CYP27A1: variants seen among roughly 807,000 people sequenced by gnomAD.
The protein encoded by CYP27A1 is sterol 26-hydroxylase, mitochondrial.
A neutral mutation model predicts 58.2 loss-of-function variants in CYP27A1; 46 were observed. The ratio of observed to expected loss-of-function variants is 0.79; its 90% CI spans 0.62 to 1.01. The LOEUF (loss-of-function observed/expected upper bound fraction) is 1.01. Among genes scored for constraint, CYP27A1 ranks in the 50% least tolerant of loss-of-function variants. CYP27A1 has a pLI of 0.00. For synonymous variants in CYP27A1, 274 were observed against 285.1 expected, an observed-to-expected ratio of 0.96 and a Z score of 0.39; for missense variants, 704 against 687.0, an observed-to-expected ratio of 1.02 and a Z score of -0.28.
In CYP27A1 at chr2:218,798,602, G is replaced by T. The variant is rs960640070; in HGVS notation, c.256-10975G>T. ...ACCTTAAAACATTTAGAAAGCCTAGGCCGGGTGCAGTGGCTCATGCCTGTA... is the reference window on the plus strand; with the variant it reads ...ACCTTAAAACATTTAGAAAGCCTAGTCCGGGTGCAGTGGCTCATGCCTGTA... On this transcript the variant is annotated intron_variant, in intron 1 of 8. Transcript: ENST00000258415. 3.6e-4 allele frequency among the ~76,000 whole-genome samples: 55 copies of T among 152,320 alleles called. 1 individual carries two copies. Among genetic ancestry groups the T allele is most frequent in the African/African-American group, 1.3e-3 (53 of 41,562 alleles).
rs1412610828 is a variant in CYP27A1 at position 218,796,592 on chromosome 2, T to C, written c.256-12985T>C. Among the ~76,000 whole-genome samples the C allele has an allele frequency of 2.6e-5, 4 of 152,184 alleles. No homozygotes were observed. In the East Asian group the frequency reaches 7.7e-4, roughly 29 times the overall value. On this transcript the variant is annotated intron_variant, in intron 1 of 8. Transcript: ENST00000258415. ...CTGGGCAACAGAGCAAGACTCTGTCTCAAAAACAAACAAACAAACAAAAAA... is the reference window on the plus strand; with the variant it reads ...CTGGGCAACAGAGCAAGACTCTGTCCCAAAAACAAACAAACAAACAAAAAA...
In CYP27A1 at chr2:218,813,176, C is replaced by A. The variant is rs566447689; in HGVS notation, c.1017+80C>A. The stretch of plus-strand genomic sequence containing the variant: ...TTCCCTATTATCCCTCACCTGATCC[C>A]GACCTTCATCCCTCCAAGGACCTGC... On this transcript the variant is annotated intron_variant, in intron 5 of 8. Coordinates refer to ENST00000258415, the MANE Select transcript of CYP27A1 (RefSeq NM_000784.4). 21 of 1,307,556 alleles carry A rather than the reference C, an allele frequency of 1.6e-5. 1 individual carries two copies. The South Asian group carries it at 2.8e-4, about 18-fold the overall frequency. 81.0% of individuals were successfully genotyped at this position (1,307,556 alleles called of 1,614,324 possible). A position where few individuals can be genotyped will look rare whatever the true frequency, so the allele number is the denominator to read the frequency against.
At chr2:218,787,851 A>C (rs1647202476) in intron 1 of CYP27A1, among the ~76,000 whole-genome samples, 1 of 152,232 alleles carries the variant, frequency 6.6e-6, no homozygotes. Flanking sequence ...ATATCAATAC[A>C]AAACGACTAA....
chr2:218,789,538 G>A (rs1250143438), intron 1 of CYP27A1, among the ~76,000 whole-genome samples: 2 of 152,168 alleles, frequency 1.3e-5, no homozygotes, highest in African/African-American at 2.4e-5. Context: ...ATTTGAACAC[G>A]GTTTGAACAG....
chr2:218,798,151 C>T (rs1943564290), intron 1 of CYP27A1, among the ~76,000 whole-genome samples: 1 of 151,684 alleles, frequency 6.6e-6, no homozygotes, highest in East Asian at 1.9e-4. Flanking sequence ...TACAGGCATG[C>T]ACCACCACAC....
intron 1 of CYP27A1, among the ~76,000 whole-genome samples, chr2:218,798,955 G>A (rs966733035): frequency 3.3e-5 from 5 of 152,152 alleles, no homozygotes; most frequent in Non-Finnish European, 2.9e-5. Flanking sequence ...ATTACCCTCC[G>A]TAATGTAGGT....
At chr2:218,791,911 T>C (rs562697771) in intron 1 of CYP27A1, among the ~76,000 whole-genome samples, 66 of 152,248 alleles carry the variant, frequency 4.3e-4, no homozygotes, top group Non-Finnish European at 5.3e-4. Context: ...ACGACCTGCA[T>C]TGAAAAATGA....
At chr2:218,790,849 C>T (rs552824796) in intron 1 of CYP27A1, among the ~76,000 whole-genome samples, 2 of 152,166 alleles carry the variant, frequency 1.3e-5, no homozygotes, top group East Asian at 3.9e-4. Flanking sequence ...AGGGGTCCGC[C>T]ACCACTCCCG....
chr2:218,783,273 A>AG (rs1239879225), intron 1 of CYP27A1, among the ~76,000 whole-genome samples: 14 of 149,520 alleles, frequency 9.4e-5, no homozygotes, highest in Admixed American at 3.3e-4. Flanking sequence ...AAAAAAAAAA[A>AG]AAAGAAAAAA....
Position 218,782,764 on chromosome 2 carries a change from G to A in CYP27A1, c.255+327G>A, listed in dbSNP as rs4674338. On this transcript the variant is annotated intron_variant, in intron 1 of 8. Transcript: ENST00000258415. This position sits in a 1 kb window ranked among gnomAD's most constrained non-coding sequence, Gnocchi z 4.1. ...GGCAGAGGCAAATGTGTAAGCTAAC[G>A]GATATTATGGAATCACTAATTCTGG... is the stretch of plus-strand genomic sequence containing the variant. 0.36 allele frequency among the ~76,000 whole-genome samples: 54,892 copies of A among 151,902 alleles called. 10,579 individuals are homozygous for A. The highest frequency in any genetic ancestry group is 0.42 in the Non-Finnish European group (28,820 of 67,930).
At chr2:218,784,092 G>C (rs1260969980) in intron 1 of CYP27A1, among the ~76,000 whole-genome samples, 2 of 152,132 alleles carry the variant, frequency 1.3e-5, no homozygotes, top group Non-Finnish European at 2.9e-5. Flanking sequence ...GAGAAAACTG[G>C]AATGGAGGTT....
rs1251189811 is a variant in CYP27A1 at position 218,782,345 on chromosome 2, C to A, written c.163C>A (p.Arg55=). 5 of 1,613,914 alleles carry A rather than the reference C, an allele frequency of 3.1e-6. No individual in the cohort carries two copies. Among genetic ancestry groups the A allele is most frequent in the Non-Finnish European group, 4.2e-6 (5 of 1,179,896 alleles). Residue 55 remains arginine, a synonymous_variant, in exon 1 of 9, where the codon CGG becomes AGG. Coordinates refer to ENST00000258415, the MANE Select transcript of CYP27A1 (RefSeq NM_000784.4). This position sits in a 1 kb window ranked among gnomAD's most constrained non-coding sequence, Gnocchi z 4.1. ...CGGGCCTGGTGTCCGGCGGCGGCAACGGAGCTTAGAGGAGATTCCACGTCT... is the reference window on the plus strand; with the variant it reads ...CGGGCCTGGTGTCCGGCGGCGGCAAAGGAGCTTAGAGGAGATTCCACGTCT... ...GAGPGVRRRQ[R]SLEEIPRLGQ...
rs1433492467 is a variant in CYP27A1 at position 218,782,384 on chromosome 2, T to G, written c.202T>G (p.Phe68Val). The stretch of plus-strand genomic sequence containing the variant: ...GATTCCACGTCTAGGACAGCTGCGC[T>G]TCTTCTTTCAGCTGTTCGTTCAAGG... ...EEIPRLGQLR[F>V]FFQLFVQGYA... The change falls in exon 1 of 9, where the codon TTC becomes GTC. Residue 68 changes from phenylalanine to valine, a missense_variant. Coordinates refer to ENST00000258415, the MANE Select transcript of CYP27A1 (RefSeq NM_000784.4). This position sits in a 1 kb window ranked among gnomAD's most constrained non-coding sequence, Gnocchi z 4.1. The G allele has an allele frequency of 1.9e-6, 3 of 1,614,124 alleles. No homozygotes were observed. The East Asian group carries it at 6.7e-5, about 36-fold the overall frequency.
chr2:218,782,346 G>A lies in CYP27A1; in HGVS notation c.164G>A (p.Arg55Gln). Residue 55 changes from arginine (R) to glutamine (Q), a missense_variant, in exon 1 of 9, where the codon CGG becomes CAG. Coordinates refer to ENST00000258415, the MANE Select transcript of CYP27A1 (RefSeq NM_000784.4). This position sits in a 1 kb window ranked among gnomAD's most constrained non-coding sequence, Gnocchi z 4.1. ...GAGPGVRRRQ[R>Q]SLEEIPRLGQ... ...GGGCCTGGTGTCCGGCGGCGGCAAC[G>A]GAGCTTAGAGGAGATTCCACGTCTA... 1 of 1,613,918 alleles carries A rather than the reference G, an allele frequency of 6.2e-7. No homozygotes were observed. The highest frequency in any genetic ancestry group is 1.3e-5 in the African/African-American group (1 of 75,066).
intron 1 of CYP27A1, among the ~76,000 whole-genome samples, chr2:218,803,086 A>G (rs2105976279): frequency 6.6e-6 from 1 of 152,236 alleles, no homozygotes. Flanking sequence ...CTGGGACTAC[A>G]AGTGTGCGCC....
rs1402266092 is a variant in CYP27A1 at position 218,782,481 on chromosome 2, C to A, written c.255+44C>A. On this transcript the variant is annotated intron_variant, in intron 1 of 8. Coordinates refer to ENST00000258415, the MANE Select transcript of CYP27A1 (RefSeq NM_000784.4). This position sits in a 1 kb window ranked among gnomAD's most constrained non-coding sequence, Gnocchi z 4.1. ...GCGTCCTGGGGATGGGAGTGGGCAC[C>A]GGAACAGAGAGGCTAGAGGTGAGAA... 6.2e-7 allele frequency: 1 copy of A among 1,612,852 alleles called. No homozygotes were observed. Among genetic ancestry groups the A allele is most frequent in the Non-Finnish European group, 8.5e-7 (1 of 1,179,364 alleles).
At chr2:218,788,832 T>C (rs188178789) in intron 1 of CYP27A1, among the ~76,000 whole-genome samples, 28 of 152,304 alleles carry the variant, frequency 1.8e-4, no homozygotes, top group Non-Finnish European at 2.8e-4. Flanking sequence ...TTTGATTAGA[T>C]AGATTTTCTT....
intron 2 of CYP27A1, among the ~76,000 whole-genome samples, chr2:218,811,366 A>G (rs1271484158): frequency 6.6e-6 from 1 of 152,172 alleles, no homozygotes; most frequent in Non-Finnish European, 1.5e-5. Flanking sequence ...AAATTGGACC[A>G]TATTGTACTT....
At chr2:218,805,121 G>A (rs1331783141) in intron 1 of CYP27A1, among the ~76,000 whole-genome samples, 1 of 152,322 alleles carries the variant, frequency 6.6e-6, no homozygotes, top group South Asian at 2.1e-4. Context: ...TTCAACATAA[G>A]AATTTGAGGG....
Sources: allele counts gnomAD v4.1 joint callset (sites outside exome capture counted in the v4.1 genomes callset), GRCh38; gene constraint gnomAD v4.1.1; non-coding constraint Gnocchi (gnomAD v3.1); transcripts MANE v1.5; gene names NCBI Gene and HGNC (gene_info 2026-07-23, HGNC 2026-07-21).